Variants in HECW2 observed in about 807,000 individuals in gnomAD.
HECW2 encodes the protein HECT, C2 and WW domain containing E3 ubiquitin protein ligase 2, also known as E3 ubiquitin-protein ligase HECW2.
Under a neutral mutation model 175.2 loss-of-function variants are expected in HECW2, and 61 were observed. The observed-to-expected ratio is 0.35, with a 90% CI of 0.28 to 0.43. HECW2 has a LOEUF of 0.43. Ranked by LOEUF, HECW2 falls within the 20% of genes least tolerant of loss-of-function variation. The pLI is 1.00. For synonymous variants in HECW2, 671 were observed against 731.0 expected, an observed-to-expected ratio of 0.92 and a Z score of 1.32; for missense variants, 1,524 against 2,000.5, an observed-to-expected ratio of 0.76 and a Z score of 4.54.
At chr2:196,565,169 T>A (rs1202908480) in intron 1 of HECW2, among the ~76,000 whole-genome samples, 1 of 152,052 alleles carries the variant, frequency 6.6e-6, no homozygotes, top group Admixed American at 6.5e-5. Context: ...TCTTACTACA[T>A]CTAAACATCA....
At chr2:196,301,889 T>C (rs1691075455) in intron 13 of HECW2, among the ~76,000 whole-genome samples, 1 of 152,180 alleles carries the variant, frequency 6.6e-6, no homozygotes, top group Non-Finnish European at 1.5e-5. Flanking sequence ...TTAGTTTAAT[T>C]AGATCCCATG....
chr2:196,584,844 C>T (rs1690918544), intron 1 of HECW2, among the ~76,000 whole-genome samples: 2 of 152,170 alleles, frequency 1.3e-5, no homozygotes, highest in South Asian at 4.1e-4. Context: ...CAAAGCCCAC[C>T]TCGACAAAGC....
At chr2:196,261,231 T>C (rs1460772410) in intron 17 of HECW2, among the ~76,000 whole-genome samples, 2 of 152,236 alleles carry the variant, frequency 1.3e-5, no homozygotes, top group African/African-American at 2.4e-5. Flanking sequence ...AATGTATATG[T>C]AAATTACCAC....
rs570872714 is a variant in HECW2, at chr2:196,362,812, T to C, written c.293-19048A>G. Among the ~76,000 whole-genome samples, 14 of 152,326 alleles carry C rather than the reference T, an allele frequency of 9.2e-5. No individual in the cohort carries two copies. The East Asian group carries it at 2.7e-3, about 29-fold the overall frequency. ...TGGAGAAAGGGGCTTTCTGAAGCTGTTAGCCCACCTGTGTCAGTGGTTGCA... is the reference window on the plus strand; with the variant it reads ...TGGAGAAAGGGGCTTTCTGAAGCTGCTAGCCCACCTGTGTCAGTGGTTGCA... On this transcript the variant is annotated intron_variant, in intron 2 of 28. Transcript: ENST00000644978.
intron 2 of HECW2, among the ~76,000 whole-genome samples, chr2:196,406,665 C>T (rs536928395): frequency 6.6e-6 from 1 of 152,338 alleles, no homozygotes; most frequent in Non-Finnish European, 1.5e-5. Flanking sequence ...CCCACTGTGT[C>T]CCATTTCCAC....
At chr2:196,590,202 G>C (rs963136166) in intron 1 of HECW2, among the ~76,000 whole-genome samples, 1 of 152,122 alleles carries the variant, frequency 6.6e-6, no homozygotes, top group East Asian at 1.9e-4. Context: ...GGGTGCTTTT[G>C]ATAATTAAGA....
At chr2:196,587,310 C>T (rs573731246) in intron 1 of HECW2, among the ~76,000 whole-genome samples, 12 of 152,316 alleles carry the variant, frequency 7.9e-5, no homozygotes, top group African/African-American at 2.9e-4. Flanking sequence ...GCAACGATTA[C>T]GGATTCATTT....
intron 1 of HECW2, among the ~76,000 whole-genome samples, chr2:196,462,189 G>C (rs906238721): frequency 6.6e-6 from 1 of 151,944 alleles, no homozygotes; most frequent in African/African-American, 2.4e-5. Flanking sequence ...AACCTGGATT[G>C]TTATTTTTTA....
intron 2 of HECW2, among the ~76,000 whole-genome samples, chr2:196,364,705 CT>C (rs1693696490): frequency 6.6e-6 from 1 of 152,206 alleles, no homozygotes; most frequent in Non-Finnish European, 1.5e-5. Context: ...AACATAGCCC[CT>C]GCCCTCACAG....
At chr2:196,461,872 C>T (rs561112534) in intron 1 of HECW2, among the ~76,000 whole-genome samples, 1 of 152,210 alleles carries the variant, frequency 6.6e-6, no homozygotes, top group East Asian at 1.9e-4. Context: ...CCACAGGAAC[C>T]ATGCGGATTA....
At chr2:196,499,547 T>C (rs1206506905) in intron 1 of HECW2, among the ~76,000 whole-genome samples, 2 of 152,164 alleles carry the variant, frequency 1.3e-5, no homozygotes, top group African/African-American at 4.8e-5. Flanking sequence ...AATAAGCTAT[T>C]TAGATGGAGG....
intron 13 of HECW2, among the ~76,000 whole-genome samples, chr2:196,296,711 G>A (rs957569005): frequency 9.2e-5 from 14 of 152,174 alleles, no homozygotes; most frequent in African/African-American, 3.1e-4. Flanking sequence ...AGATTCACCA[G>A]AGGCAGAAAG....
chr2:196,262,884 C>A (rs995450320), intron 17 of HECW2, among the ~76,000 whole-genome samples: 10 of 152,218 alleles, frequency 6.6e-5, no homozygotes, highest in African/African-American at 2.4e-4. Flanking sequence ...TTGTGTTCCC[C>A]AAGTACAAAA....
intron 1 of HECW2, among the ~76,000 whole-genome samples, chr2:196,549,849 T>C (rs1416375705): frequency 6.6e-6 from 1 of 152,200 alleles, no homozygotes; most frequent in Admixed American, 6.5e-5. Flanking sequence ...CCTGATATGT[T>C]TCAGGCAATG....
At position 196,197,488 on chromosome 2, in the gene HECW2, C is replaced by T. The variant is rs1209162656; in HGVS notation, c.*3789G>A. ...ATCCATCAAAAGCAATCACATTTTG[C>T]CTTCTGTTTTTTAAATTTCTCATGT... On this transcript the variant is annotated 3_prime_UTR_variant, in exon 29 of 29. Coordinates refer to ENST00000644978, the MANE Select transcript of HECW2 (RefSeq NM_001348768.2). 6.6e-6 allele frequency: 1 copy of T among 151,936 alleles called. No homozygotes were observed. The allele number at this position is 151,936 out of a possible 1,614,324, so 9.4% of individuals were successfully genotyped here.
chr2:196,419,781 C>G (rs1025207845), intron 2 of HECW2, among the ~76,000 whole-genome samples: 2 of 152,134 alleles, frequency 1.3e-5, no homozygotes, highest in African/African-American at 2.4e-5. Context: ...TCAGTGCAAT[C>G]TTATGAGGTT....
chr2:196,425,375 A>G (rs575796662), intron 2 of HECW2, among the ~76,000 whole-genome samples: 1 of 152,254 alleles, frequency 6.6e-6, no homozygotes, highest in South Asian at 2.1e-4. Context: ...TTATTATTTA[A>G]GCAATACATT....
intron 1 of HECW2, among the ~76,000 whole-genome samples, chr2:196,491,126 T>C (rs1246410845): frequency 1.3e-5 from 2 of 151,844 alleles, no homozygotes; most frequent in Non-Finnish European, 2.9e-5. Context: ...CACAATAAAG[T>C]TGTAAGAAAA....
At chr2:196,539,566 C>T (rs976820269) in intron 1 of HECW2, among the ~76,000 whole-genome samples, 3 of 151,934 alleles carry the variant, frequency 2.0e-5, no homozygotes, top group African/African-American at 4.8e-5. Context: ...ACCTGGGAGG[C>T]GGAGCTTGCA....
Sources: gnomAD v4.1 joint callset for allele counts (sites outside exome capture counted in the v4.1 genomes callset) on GRCh38, gnomAD v4.1.1 for gene constraint, MANE v1.5 for transcripts, NCBI Gene and HGNC (gene_info 2026-07-23, HGNC 2026-07-21) for gene names.